The following TOP1 variants were observed in gnomAD, a reference collection of about 807,000 sequenced individuals.
TOP1 encodes the protein DNA topoisomerase I, also known as DNA topoisomerase 1.
Under a neutral mutation model 111.1 loss-of-function variants are expected in TOP1, and 10 were observed. The ratio of observed to expected loss-of-function variants is 0.09; its 90% CI spans 0.06 to 0.15. The LOEUF (loss-of-function observed/expected upper bound fraction) is 0.15. TOP1 is among the 10% of genes least tolerant of loss of function. The probability of loss-of-function intolerance (pLI) is 1.00; values close to 1 mark genes in which losing one functional copy is unlikely to be tolerated. For missense variants in TOP1, 474 were observed against 926.7 expected (o/e 0.51, Z 6.34); for synonymous variants, 271 against 302.9 (o/e 0.89, Z 1.10).
intron 2 of TOP1, among the ~76,000 whole-genome samples, chr20:41,054,719 G>C (rs2033448748): frequency 6.6e-6 from 1 of 152,210 alleles, no homozygotes. Flanking sequence ...TGAGGGCAGA[G>C]TCCTTGTCTG....
chr20:41,056,473 T>A (rs1395241695), intron 2 of TOP1, among the ~76,000 whole-genome samples: 1 of 152,168 alleles, frequency 6.6e-6, no homozygotes, highest in East Asian at 1.9e-4. Context: ...ACAGCACACA[T>A]AGCACATGTA....
intron 3 of TOP1, chr20:41,072,435 A>C: frequency 1.0e-6 from 1 of 985,426 alleles, no homozygotes; most frequent in Non-Finnish European, 1.2e-6. Flanking sequence ...AAAGACATAC[A>C]TGTTAGAAAA....
intron 3 of TOP1, chr20:41,073,373 TG>T (rs1324020818): frequency 1.1e-6 from 1 of 911,760 alleles, no homozygotes; most frequent in African/African-American, 2.6e-5. Context: ...GGGAAGACAA[TG>T]AAAAAAAAAA....
intron 3 of TOP1, chr20:41,073,114 C>T: frequency 1.0e-6 from 1 of 985,306 alleles, no homozygotes; most frequent in Non-Finnish European, 1.2e-6. Context: ...TTGTTGATTC[C>T]TTTTCCCTGA....
intron 18 of TOP1, among the ~76,000 whole-genome samples, chr20:41,120,962 T>C (rs1420865774): frequency 7.2e-5 from 11 of 152,168 alleles, no homozygotes; most frequent in Non-Finnish European, 1.5e-4. Flanking sequence ...AGGATGGTCT[T>C]GATCTCCTGA....
At chr20:41,074,276 G>A (rs1335461646) in intron 3 of TOP1, among the ~76,000 whole-genome samples, 1 of 152,032 alleles carries the variant, frequency 6.6e-6, no homozygotes, top group Non-Finnish European at 1.5e-5. Context: ...AACACATTGA[G>A]TTAGAGGAAC....
Position 41,116,817 on chromosome 20 carries a change from T to C in TOP1, c.1822+425T>C, listed in dbSNP as rs1468095420. ...TTTTTTCCCATAAGAGAGTAGATACTTTCTATAGCTGATTTTTAGAATATT... is the reference window on the plus strand; with the variant it reads ...TTTTTTCCCATAAGAGAGTAGATACCTTCTATAGCTGATTTTTAGAATATT... On this transcript the variant is annotated intron_variant, in intron 17 of 20. Transcript: ENST00000361337. This position sits in a 1 kb window ranked among gnomAD's most constrained non-coding sequence, Gnocchi z 5.6. Among the ~76,000 whole-genome samples the C allele has an allele frequency of 6.6e-6, 1 of 152,194 alleles. No individual in the cohort carries two copies. Among genetic ancestry groups the C allele is most frequent in the Non-Finnish European group, 1.5e-5 (1 of 68,036 alleles).
intron 2 of TOP1, among the ~76,000 whole-genome samples, chr20:41,047,891 C>T (rs2033352588): frequency 6.6e-6 from 1 of 152,124 alleles, no homozygotes. Flanking sequence ...CATGACTCCA[C>T]CCATTAGCGT....
At chr20:41,039,189 G>A (rs944444795) in intron 2 of TOP1, among the ~76,000 whole-genome samples, 1 of 152,170 alleles carries the variant, frequency 6.6e-6, no homozygotes, top group Non-Finnish European at 1.5e-5. Context: ...AGATGAACAA[G>A]ACAAACCCAC....
Position 41,124,184 on chromosome 20 carries a change from T to G in TOP1, c.*887T>G, listed in dbSNP as rs1432803794. 1 of 232,930 alleles carries G rather than the reference T, an allele frequency of 4.3e-6. No individual in the cohort carries two copies. Among genetic ancestry groups the G allele is most frequent in the Non-Finnish European group, 8.5e-6 (1 of 117,708 alleles). 14.4% of individuals were successfully genotyped at this position (232,930 alleles called of 1,614,324 possible). On this transcript the variant is annotated 3_prime_UTR_variant, in exon 21 of 21. Transcript: ENST00000361337. This position sits in a 1 kb window ranked among gnomAD's most constrained non-coding sequence, Gnocchi z 5.4. ...GAAAGATTTTATTGTATAAAAAGTT[T>G]CACAGGTCAATAAACTTAGAGGAAA...
intron 2 of TOP1, among the ~76,000 whole-genome samples, chr20:41,054,179 C>A (rs1265842832): frequency 1.3e-5 from 2 of 152,186 alleles, no homozygotes; most frequent in Non-Finnish European, 2.9e-5. Context: ...TCATAATCTT[C>A]CTGTGTTGTG....
chr20:41,081,730 G>A (rs2033791231), intron 7 of TOP1, among the ~76,000 whole-genome samples: 1 of 152,096 alleles, frequency 6.6e-6, no homozygotes, highest in Non-Finnish European at 1.5e-5. Flanking sequence ...CCTGCATCTT[G>A]TGTCTCTCTT....
Position 41,098,546 on chromosome 20 carries a change from C to T in TOP1, c.975+209C>T. The T allele has an allele frequency of 2.0e-6, 1 of 496,336 alleles. No homozygotes were observed. Among genetic ancestry groups the T allele is most frequent in the South Asian group, 2.5e-5 (1 of 39,534 alleles). 30.7% of individuals were successfully genotyped at this position (496,336 alleles called of 1,614,324 possible). On this transcript the variant is annotated intron_variant, in intron 11 of 20. Coordinates refer to ENST00000361337, the MANE Select transcript of TOP1 (RefSeq NM_003286.4). The surrounding 1 kb of genome is among the most constrained non-coding windows in gnomAD (Gnocchi z 5.7). ...AAGTACTTTGCTCAGTAGCTCTGTA[C>T]AGGAATCTTGGTGCTTCAGTGACCT...
Position 41,029,051 on chromosome 20 carries a change from C to A in TOP1, c.-17C>A. The A allele has an allele frequency of 6.5e-7, 1 of 1,547,148 alleles. No individual in the cohort carries two copies. Among genetic ancestry groups the A allele is most frequent in the South Asian group, 1.2e-5 (1 of 84,704 alleles). On this transcript the variant is annotated 5_prime_UTR_variant, in exon 1 of 21. Coordinates refer to ENST00000361337, the MANE Select transcript of TOP1 (RefSeq NM_003286.4). This position sits in a 1 kb window ranked among gnomAD's most constrained non-coding sequence, Gnocchi z 6.1. ...ACGCCGCCTCGCCTGCCGCCGCGCT[C>A]GTCCCTCCGGGCCGACATGAGTGGG...
chr20:41,033,055 A>G (rs778891154), intron 2 of TOP1, among the ~76,000 whole-genome samples: 3 of 152,282 alleles, frequency 2.0e-5, no homozygotes, highest in Admixed American at 6.5e-5. Context: ...TTTTTATACT[A>G]TGCTTTGACA....
In TOP1 at chr20:41,076,293, A is replaced by G. The variant is rs2145935098; in HGVS notation, c.278A>G (p.Lys93Arg). 6.2e-7 allele frequency: 1 copy of G among 1,605,850 alleles called. No homozygotes were observed. The stretch of plus-strand genomic sequence containing the variant: ...GACAAGGAAAAACGAAAAGAGGAAA[A>G]GGTACAGAGTTTTCTAGTAGGGGAG... ...DRDKEKRKEE[K>R]VRASGDAKIK... The change falls in exon 4 of 21, where the codon AAG (lysine) becomes AGG (arginine). Residue 93 changes from lysine to arginine, a missense_variant and splice_region_variant. By Grantham distance (26) the Lys-to-Arg change is conservative. Coordinates refer to ENST00000361337, the MANE Select transcript of TOP1 (RefSeq NM_003286.4).
rs1409086234 is a variant in TOP1, at chr20:41,122,994, C to T, written c.2196-201C>T. On this transcript the variant is annotated intron_variant, in intron 20 of 20. Coordinates refer to ENST00000361337, the MANE Select transcript of TOP1 (RefSeq NM_003286.4). This position sits in a 1 kb window ranked among gnomAD's most constrained non-coding sequence, Gnocchi z 5.4. ...TGTACGTTTTTCACTTGTACATCTG[C>T]AGAAGCACCTACTTTAGAGATCACT... 2.0e-5 allele frequency among the ~76,000 whole-genome samples: 3 copies of T among 152,214 alleles called. No homozygotes were observed. The highest frequency in any genetic ancestry group is 4.8e-5 in the African/African-American group (2 of 41,450).
chr20:41,063,251 G>T (rs2033567372), intron 3 of TOP1, among the ~76,000 whole-genome samples: 1 of 152,158 alleles, frequency 6.6e-6, no homozygotes, highest in Non-Finnish European at 1.5e-5. Context: ...CATCCATGTT[G>T]CTACAAAGGA....
At chr20:41,041,024 A>G (rs2033257450) in intron 2 of TOP1, among the ~76,000 whole-genome samples, 1 of 152,112 alleles carries the variant, frequency 6.6e-6, no homozygotes, top group African/African-American at 2.4e-5. Context: ...TATTGATGGC[A>G]TAGTCACAGA....
Sources: gnomAD v4.1 joint callset for allele counts (sites outside exome capture counted in the v4.1 genomes callset) on GRCh38, gnomAD v4.1.1 for gene constraint, Gnocchi (gnomAD v3.1) non-coding constraint, MANE v1.5 for transcripts, NCBI Gene and HGNC (gene_info 2026-07-23, HGNC 2026-07-21) for gene names.